Variants in MLF1 observed in about 807,000 individuals in gnomAD.
MLF1 encodes the protein myelodysplasia-myeloid leukemia factor 1.
A neutral mutation model predicts 38.3 loss-of-function variants in MLF1; 37 were observed. The observed-to-expected ratio is 0.96, with a 90% CI of 0.74 to 1.27. MLF1 has a LOEUF of 1.27. Ranked by LOEUF, MLF1 falls within the 50% of genes most tolerant of loss-of-function variation. The probability of loss-of-function intolerance (pLI) is 0.00; values close to 1 mark genes in which losing one functional copy is unlikely to be tolerated. For synonymous variants in MLF1, 95 were observed against 106.5 expected, an observed-to-expected ratio of 0.89 and a Z score of 0.66; for missense variants, 331 against 349.2, an observed-to-expected ratio of 0.95 and a Z score of 0.42.
chr3:158,588,612 A>AC (rs1458507325), intron 1 of MLF1, among the ~76,000 whole-genome samples: 4,043 of 131,104 alleles, frequency 0.031, 189 homozygotes, highest in Admixed American at 0.077. Flanking sequence ...AAAAAAAAAA[A>AC]AAAAAAAAAA....
In MLF1 at chr3:158,605,823, G is replaced by T; in HGVS notation, c.*621G>T. The T allele has an allele frequency of 5.6e-6, 1 of 178,948 alleles. No individual in the cohort carries two copies. The highest frequency in any genetic ancestry group is 1.2e-5 in the Non-Finnish European group (1 of 83,538). The allele number at this position is 178,948 out of a possible 1,614,324, so 11.1% of individuals were successfully genotyped here. A position where few individuals can be genotyped will look rare whatever the true frequency, so the allele number is the denominator to read the frequency against. Reference sequence around the variant, plus strand: ...AATTGCTAATGTACATGATTGTTTTGGTTATAATTTATTTATAGAATGTAT... The same window carrying T: ...AATTGCTAATGTACATGATTGTTTTTGTTATAATTTATTTATAGAATGTAT... On this transcript the variant is annotated 3_prime_UTR_variant, in exon 8 of 8. Transcript: ENST00000466246.
chr3:158,594,864 A>G (rs1231970225), intron 3 of MLF1, among the ~76,000 whole-genome samples: 3 of 152,100 alleles, frequency 2.0e-5, no homozygotes, highest in Non-Finnish European at 4.4e-5. Context: ...CAAAACAATC[A>G]TTTTAGTTTT....
At chr3:158,605,065 A>G in intron 7 of MLF1, 32 bp from the exon 8 acceptor site, 2 of 1,478,262 alleles carry the variant, frequency 1.4e-6, no homozygotes, top group South Asian at 1.2e-5. Flanking sequence ...CATTTTTTAA[A>G]TGATATTAAT....
intron 1 of MLF1, among the ~76,000 whole-genome samples, chr3:158,591,696 G>C (rs990121350): frequency 6.6e-6 from 1 of 151,966 alleles, no homozygotes; most frequent in African/African-American, 2.4e-5. Context: ...TGATTAGTGG[G>C]TCAGTAACTG....
intron 6 of MLF1, among the ~76,000 whole-genome samples, chr3:158,600,422 G>A (rs973356287): frequency 1.0e-5 from 1 of 100,010 alleles, no homozygotes; most frequent in African/African-American, 5.0e-5. Context: ...CTTTTGAATT[G>A]TTATTTAGTA....
In MLF1 at chr3:158,602,916, TG is replaced by T. The variant is rs770853106; in HGVS notation, c.725del (p.Gly242AlafsTer37). ...RMRSVGHENP[G>X]SRELKRREKP... Reference sequence around the variant, plus strand: ...TGAGAAGTGTTGGCCATGAGAATCCTGGCTCCCGAGAACTTAAAAGAAGGTA... The same window carrying T: ...TGAGAAGTGTTGGCCATGAGAATCCTGCTCCCGAGAACTTAAAAGAAGGTA... On this transcript the variant is annotated frameshift_variant, in exon 7 of 8. Coordinates refer to ENST00000466246, the MANE Select transcript of MLF1 (RefSeq NM_001369783.1). LOFTEE classifies it high-confidence loss of function. The T allele has an allele frequency of 3.7e-6, 6 of 1,613,072 alleles. No homozygotes were observed. The highest frequency in any genetic ancestry group is 5.1e-6 in the Non-Finnish European group (6 of 1,179,634).
Position 158,602,830 on chromosome 3 carries a change from G to C in MLF1, c.637G>C (p.Glu213Gln), listed in dbSNP as rs1719994636. 5 of 1,613,392 alleles carry C rather than the reference G, an allele frequency of 3.1e-6. No individual in the cohort carries two copies. The African/African-American group carries it at 6.7e-5, about 22-fold the overall frequency. ...NESDAHAFDE[E>Q]WQSEVLKYKP... ...AGGTGATGCTCATGCTTTTGATGAG[G>C]AGTGGCAAAGTGAGGTTTTGAAGTA... Residue 213 changes from glutamate (E) to glutamine (Q), a missense_variant, in exon 7 of 8, where the codon GAG becomes CAG. Coordinates refer to ENST00000466246, the MANE Select transcript of MLF1 (RefSeq NM_001369783.1).
At chr3:158,599,535 CAG>C (rs1273725333) in intron 5 of MLF1, among the ~76,000 whole-genome samples, 4 of 152,226 alleles carry the variant, frequency 2.6e-5, no homozygotes, top group Middle Eastern at 6.8e-3. Context: ...TAAATGTAAA[CAG>C]AATATAATTG....
At chr3:158,604,242 C>T (rs533449559) in intron 7 of MLF1, among the ~76,000 whole-genome samples, 2 of 152,270 alleles carry the variant, frequency 1.3e-5, no homozygotes, top group South Asian at 4.1e-4. Flanking sequence ...GATTAAAAAC[C>T]TGGCAGTGCC....
In MLF1 at chr3:158,587,337, G is replaced by A. The variant is rs148858389; in HGVS notation, c.48-5097G>A. Among the ~76,000 whole-genome samples the A allele has an allele frequency of 2.0e-5, 3 of 152,294 alleles. No individual in the cohort carries two copies. The East Asian group carries it at 5.8e-4, about 29-fold the overall frequency. ...TTAATGTCATTCATTTTTAAAAGGT[G>A]TTTGCCCATGTACTTGGGGTACGAG... On this transcript the variant is annotated intron_variant, in intron 1 of 7. Coordinates refer to ENST00000466246, the MANE Select transcript of MLF1 (RefSeq NM_001369783.1).
At chr3:158,597,018 A>AC in intron 4 of MLF1, 73 bp downstream of exon 4, 1 of 962,542 alleles carries the variant, frequency 1.0e-6, no homozygotes, top group Non-Finnish European at 1.6e-6. Context: ...TGGCTTTCAA[A>AC]CACTTTTTTA....
intron 1 of MLF1, among the ~76,000 whole-genome samples, chr3:158,576,578 G>A (rs1208784184): frequency 6.6e-6 from 1 of 152,032 alleles, no homozygotes; most frequent in African/African-American, 2.4e-5. Flanking sequence ...AATTCTGATC[G>A]AGCAAGTCTA....
intron 1 of MLF1, among the ~76,000 whole-genome samples, chr3:158,580,423 T>C (rs535181531): frequency 3.9e-5 from 6 of 152,300 alleles, no homozygotes; most frequent in Admixed American, 2.0e-4. Flanking sequence ...AACGACTCCC[T>C]TTCTGCCTTC....
At chr3:158,597,251 AT>A (rs1719019495) in intron 4 of MLF1, among the ~76,000 whole-genome samples, 1 of 152,028 alleles carries the variant, frequency 6.6e-6, no homozygotes, top group Admixed American at 6.6e-5. Flanking sequence ...AACTTTGAAA[AT>A]TTTTTAAAAA....
chr3:158,602,724 T>G, intron 6 of MLF1, 83 bp from the exon 7 acceptor site: 1 of 1,393,314 alleles, frequency 7.2e-7, no homozygotes, highest in Non-Finnish European at 9.9e-7. Context: ...AACACCAGAC[T>G]AGACTGAAAT....
At chr3:158,582,041 G>A (rs990990364) in intron 1 of MLF1, among the ~76,000 whole-genome samples, 10 of 152,142 alleles carry the variant, frequency 6.6e-5, no homozygotes, top group Non-Finnish European at 2.9e-5. Context: ...TTAGCCGGGC[G>A]TGGTGGTGCA....
intron 1 of MLF1, chr3:158,589,061 C>T (rs1202040835): frequency 1.1e-5 from 4 of 355,782 alleles, no homozygotes. Context: ...GGAGATTTTT[C>T]TCTGTGTAGC....
At chr3:158,577,379 C>CG (rs1715624965) in intron 1 of MLF1, among the ~76,000 whole-genome samples, 1 of 152,188 alleles carries the variant, frequency 6.6e-6, no homozygotes, top group South Asian at 2.1e-4. Flanking sequence ...GAGGTAGAGT[C>CG]TCTGCCAAAT....
intron 1 of MLF1, chr3:158,588,963 C>T (rs1179188358): frequency 2.2e-6 from 1 of 448,578 alleles, no homozygotes; most frequent in Non-Finnish European, 4.5e-6. Flanking sequence ...CCAGAGAAAA[C>T]CAAGTATAGT....
Sources: gnomAD v4.1 joint callset for allele counts (sites outside exome capture counted in the v4.1 genomes callset) on GRCh38, gnomAD v4.1.1 for gene constraint, MANE v1.5 for transcripts, NCBI Gene and HGNC (gene_info 2026-07-23, HGNC 2026-07-21) for gene names.